TEAD2: variants seen among roughly 807,000 people sequenced by gnomAD.
TEAD2 encodes TEA domain transcription factor 2, also known as transcriptional enhancer factor TEF-4.
A neutral mutation model predicts 61.4 loss-of-function variants in TEAD2; 51 were observed. That is an observed-to-expected ratio of 0.83 (90% confidence interval 0.66 to 1.05). The LOEUF is 1.05. Among genes scored for constraint, TEAD2 ranks in the 50% least tolerant of loss-of-function variants. The pLI is 0.00. For synonymous variants in TEAD2, 244 were observed against 243.2 expected (o/e 1.00, Z -0.03); for missense variants, 509 against 600.0 (o/e 0.85, Z 1.58).
Position 49,342,429 on chromosome 19 carries a change from A to G in TEAD2, c.1242+9T>C. 2 of 1,611,724 alleles carry G rather than the reference A, an allele frequency of 1.2e-6. No homozygotes were observed. Among genetic ancestry groups the G allele is most frequent in the South Asian group, 2.2e-5 (2 of 91,002 alleles). The stretch of plus-strand genomic sequence containing the variant: ...GGGGGCCCCACTCCAGCCCAGCCCC[A>G]GGCATCACCTGGAGGATGGTGAAGT... On this transcript the variant is annotated intron_variant, in intron 12 of 12. Transcript: ENST00000593945.
At chr19:49,348,487 G>C (rs921899546) in intron 9 of TEAD2, among the ~76,000 whole-genome samples, 1 of 138,378 alleles carries the variant, frequency 7.2e-6, no homozygotes, top group Non-Finnish European at 1.6e-5. Flanking sequence ...ACGGTCCCCA[G>C]ACCAGCTGCA....
Position 49,355,434 on chromosome 19 carries a change from G to A in TEAD2, c.373-15C>T, listed in dbSNP as rs770891796. 65 of 1,607,930 alleles carry A rather than the reference G, an allele frequency of 4.0e-5. No homozygotes were observed. The highest frequency in any genetic ancestry group is 1.8e-4 in the Admixed American group (11 of 59,948). On this transcript the variant is annotated splice_polypyrimidine_tract_variant and intron_variant, in intron 5 of 12. Transcript: ENST00000593945. ...GAAACCTGGTCCTGGAGGAGGAGGC[G>A]GAAGTTCATGTGAGAGGGGCATCTC...
At position 49,355,372 on chromosome 19, in the gene TEAD2, G is replaced by C; in HGVS notation, c.420C>G (p.Ser140=). Residue 140 remains serine, a synonymous_variant, in exon 6 of 13, where the codon TCC becomes TCG. Coordinates refer to ENST00000593945, the MANE Select transcript of TEAD2 (RefSeq NM_001256660.2). ...DKAFQTMATM[S]SAQLISAPSL... is the part of the protein sequence containing the mutation. ...AAGGCGCGGAGATGAGCTGGGCAGA[G>C]GACATGGTTGCCATTGTCTGGAAAG... 1 of 1,614,204 alleles carries C rather than the reference G, an allele frequency of 6.2e-7. No homozygotes were observed. Among genetic ancestry groups the C allele is most frequent in the South Asian group, 1.1e-5 (1 of 91,080 alleles).
intron 4 of TEAD2, 93 bp from the exon 5 acceptor site, chr19:49,356,063 G>A (rs181202292): frequency 2.0e-5 from 17 of 855,744 alleles, no homozygotes; most frequent in Admixed American, 1.5e-4. Flanking sequence ...TGCCCTACCC[G>A]CCCGCACAGC....
rs561937240 is a variant in TEAD2, at chr19:49,341,755, G to T, written c.1243-318C>A. On this transcript the variant is annotated intron_variant, in intron 12 of 12. Coordinates refer to ENST00000593945, the MANE Select transcript of TEAD2 (RefSeq NM_001256660.2). This position sits in a 1 kb window ranked among gnomAD's most constrained non-coding sequence, Gnocchi z 4.2. ...AGTAAAGGGAGAACCCTCCCTGCAG[G>T]TTCCGCGGTCAAGGGGTCTCTGCCT... Among the ~76,000 whole-genome samples the T allele has an allele frequency of 1.3e-5, 2 of 152,222 alleles. No individual in the cohort carries two copies. Among genetic ancestry groups the T allele is most frequent in the South Asian group, 2.1e-4 (1 of 4,820 alleles).
intron 7 of TEAD2, among the ~76,000 whole-genome samples, chr19:49,354,924 G>A (rs1041520181): frequency 1.3e-5 from 2 of 152,170 alleles, no homozygotes; most frequent in Non-Finnish European, 2.9e-5. Context: ...CTTGAACTCA[G>A]GAAGCGGAGG....
chr19:49,345,993 CG>C (rs943627210), intron 10 of TEAD2, among the ~76,000 whole-genome samples: 2 of 151,302 alleles, frequency 1.3e-5, no homozygotes, highest in African/African-American at 4.9e-5. Context: ...GACGAAACTC[CG>C]TCTCTACTAA....
At chr19:49,357,440 T>C (rs1972481594) in intron 3 of TEAD2, 126 bp from the exon 4 acceptor site, 1 of 1,010,226 alleles carries the variant, frequency 9.9e-7, no homozygotes. Flanking sequence ...ACACTGAAGA[T>C]GAGAGCCATC....
intron 7 of TEAD2, 115 bp downstream of exon 7, chr19:49,355,033 A>G (rs1287716056): frequency 4.3e-6 from 3 of 695,798 alleles, no homozygotes; most frequent in Middle Eastern, 3.5e-4. Flanking sequence ...ATACATACAT[A>G]CATACATACA....
intron 4 of TEAD2, among the ~76,000 whole-genome samples, chr19:49,356,594 C>G (rs571598253): frequency 6.6e-6 from 1 of 151,940 alleles, no homozygotes; most frequent in African/African-American, 2.4e-5. Flanking sequence ...ATGCAAAGGT[C>G]AGGAAATGGG....
rs1228926401 is a variant in TEAD2 at position 49,359,677 on chromosome 19, G to A, written c.232+167C>T. ...TGGGTTCAAATCCCAGCTCCATCAC[G>A]CACTGGCTCTGTGCGACCATAAGCA... On this transcript the variant is annotated intron_variant, in intron 2 of 12. Coordinates refer to ENST00000593945, the MANE Select transcript of TEAD2 (RefSeq NM_001256660.2). The surrounding 1 kb of genome is among the most constrained non-coding windows in gnomAD (Gnocchi z 4.1). 1.3e-5 allele frequency among the ~76,000 whole-genome samples: 2 copies of A among 152,104 alleles called. No individual in the cohort carries two copies. The highest frequency in any genetic ancestry group is 1.9e-4 in the East Asian group (1 of 5,178).
At chr19:49,343,459 A>G in intron 10 of TEAD2, 61 bp from the exon 11 acceptor site, 2 of 1,522,510 alleles carry the variant, frequency 1.3e-6, no homozygotes, top group South Asian at 2.6e-5. Context: ...AGTGGGGACT[A>G]CCAGGCGCAG....
chr19:49,359,938 G>A lies in TEAD2; in HGVS notation c.138C>T (p.Ser46=), dbSNP rs1316120741. ...CCTGGAAGCTCTGCTCAATGTCTGG[G>A]CTCCACACCCCCTCTGCATCCGGGC... The part of the protein sequence containing the change: ...DGGPDAEGVW[S]PDIEQSFQEA... The change falls in exon 2 of 13, where the codon AGC becomes AGT. Residue 46 remains serine, a synonymous_variant. Transcript: ENST00000593945. The surrounding 1 kb of genome is among the most constrained non-coding windows in gnomAD (Gnocchi z 4.1). 1 of 1,612,400 alleles carries A rather than the reference G, an allele frequency of 6.2e-7. No homozygotes were observed.
rs1972315622 is a variant in TEAD2, at chr19:49,355,331, A to C, written c.461T>G (p.Leu154Arg). 2 of 1,614,042 alleles carry C rather than the reference A, an allele frequency of 1.2e-6. No homozygotes were observed. The highest frequency in any genetic ancestry group is 1.7e-6 in the Non-Finnish European group (2 of 1,180,028). Residue 154 changes from leucine (L) to arginine (R), a missense_variant, in exon 6 of 13, where the codon CTG (leucine) becomes CGG (arginine). Physicochemically the swap from Leu to Arg is moderately radical, Grantham distance 102 (BLOSUM62 -2). Coordinates refer to ENST00000593945, the MANE Select transcript of TEAD2 (RefSeq NM_001256660.2). ...LISAPSLQAK[L>R]GPTGPQASEL... ...GACCACCTGAGGACCAGTGGGACCC[A>C]GTTTGGCCTGCAGAGAAGGCGCGGA...
At chr19:49,342,634 C>T in intron 11 of TEAD2, 44 bp from the exon 12 acceptor site, 1 of 1,595,908 alleles carries the variant, frequency 6.3e-7, no homozygotes, top group Non-Finnish European at 8.6e-7. Flanking sequence ...GGCTGAGAGA[C>T]CCACGGGTCA....
intron 4 of TEAD2, chr19:49,356,237 T>G: frequency 2.8e-6 from 1 of 361,784 alleles, no homozygotes; most frequent in Non-Finnish European, 4.9e-6. Context: ...AGACAGGAAA[T>G]GAGAATTTCA....
intron 10 of TEAD2, among the ~76,000 whole-genome samples, chr19:49,346,454 C>T (rs1382957281): frequency 1.3e-5 from 2 of 152,000 alleles, no homozygotes; most frequent in Non-Finnish European, 2.9e-5. Flanking sequence ...GCCAGGAGTT[C>T]AAGACCAGCC....
At chr19:49,347,865 G>A (rs1971750799) in intron 9 of TEAD2, among the ~76,000 whole-genome samples, 2 of 152,198 alleles carry the variant, frequency 1.3e-5, no homozygotes, top group African/African-American at 4.8e-5. Flanking sequence ...TGTTTTGATT[G>A]ATGTTTATAT....
In TEAD2 at chr19:49,359,482, C is replaced by T. The variant is rs200637426; in HGVS notation, c.250G>A (p.Ala84Thr). The part of the protein sequence containing the change: ...GKMYGRNELI[A>T]RYIKLRTGKT... ...CCCGTTCTCAGCTTGATGTAGCGGG[C>T]GATCAGTTCATTCCGACCTGAAGAT... is the stretch of plus-strand genomic sequence containing the variant. The change falls in exon 3 of 13, where the codon GCC (alanine) becomes ACC (threonine). Residue 84 changes from alanine to threonine, a missense_variant. By Grantham distance (58) the Ala-to-Thr change is moderately conservative. Coordinates refer to ENST00000593945, the MANE Select transcript of TEAD2 (RefSeq NM_001256660.2). This position sits in a 1 kb window ranked among gnomAD's most constrained non-coding sequence, Gnocchi z 4.1. 1.9e-6 allele frequency: 3 copies of T among 1,613,972 alleles called. No individual in the cohort carries two copies. Among genetic ancestry groups the T allele is most frequent in the African/African-American group, 1.3e-5 (1 of 74,948 alleles).
Sources: gnomAD v4.1 joint callset for allele counts (sites outside exome capture counted in the v4.1 genomes callset) on GRCh38, gnomAD v4.1.1 for gene constraint, Gnocchi (gnomAD v3.1) non-coding constraint, MANE v1.5 for transcripts, NCBI Gene and HGNC (gene_info 2026-07-23, HGNC 2026-07-21) for gene names.